Variants in FBXL17 observed in about 807,000 individuals in gnomAD.
The protein encoded by FBXL17 is F-box/LRR-repeat protein 17.
Under a neutral mutation model 66.2 loss-of-function variants are expected in FBXL17, and 22 were observed. The ratio of observed to expected loss-of-function variants is 0.33; its 90% CI spans 0.24 to 0.47. FBXL17 has a LOEUF of 0.47. Ranked by LOEUF, FBXL17 falls within the 20% of genes least tolerant of loss-of-function variation. The pLI is 1.00. For missense variants in FBXL17, 878 were observed against 948.2 expected (o/e 0.93, Z 0.97); for synonymous variants, 474 against 400.5 (o/e 1.18, Z -2.19).
intron 4 of FBXL17, 97 bp downstream of exon 4, chr5:108,348,302 T>C: frequency 2.6e-6 from 3 of 1,156,974 alleles, no homozygotes; most frequent in Non-Finnish European, 3.6e-6. Context: ...ATTTGAACCA[T>C]CACAAGAAAA....
chr5:108,079,367 T>G (rs1272281604), intron 6 of FBXL17, among the ~76,000 whole-genome samples: 3 of 152,064 alleles, frequency 2.0e-5, no homozygotes, highest in Non-Finnish European at 4.4e-5. Flanking sequence ...TCTCAAGGGT[T>G]TTTTTAGAAT....
At chr5:107,979,393 A>G (rs912647416) in intron 7 of FBXL17, among the ~76,000 whole-genome samples, 1 of 152,232 alleles carries the variant, frequency 6.6e-6, no homozygotes, top group East Asian at 1.9e-4. Context: ...GGACCCATCA[A>G]TGTTAAGGGA....
chr5:108,348,638 T>G (rs1047984756), intron 3 of FBXL17, 108 bp from the exon 4 acceptor site: 27 of 1,060,692 alleles, frequency 2.5e-5, no homozygotes, highest in Non-Finnish European at 3.4e-5. Flanking sequence ...GAGTTAAATA[T>G]TTATGTTACT....
chr5:108,182,371 T>C (rs1334186942), intron 6 of FBXL17, among the ~76,000 whole-genome samples: 5 of 152,194 alleles, frequency 3.3e-5, no homozygotes, highest in African/African-American at 1.2e-4. Flanking sequence ...TCTAGATTTA[T>C]ACCAATATAA....
intron 8 of FBXL17, among the ~76,000 whole-genome samples, chr5:107,868,151 A>G (rs1176628847): frequency 2.6e-5 from 4 of 152,198 alleles, no homozygotes; most frequent in African/African-American, 7.2e-5. Context: ...AATGGTAGCT[A>G]GAATTTGAAT....
At chr5:107,942,509 C>T (rs1751140922) in intron 7 of FBXL17, among the ~76,000 whole-genome samples, 4 of 152,172 alleles carry the variant, frequency 2.6e-5, no homozygotes, top group Admixed American at 2.6e-4. Flanking sequence ...CTCACTCAAA[C>T]CATGAAGATT....
chr5:108,344,680 C>T (rs1747134119), intron 4 of FBXL17, among the ~76,000 whole-genome samples: 1 of 152,134 alleles, frequency 6.6e-6, no homozygotes. Context: ...GAATAAAAAG[C>T]CACCCAAAGA....
intron 6 of FBXL17, among the ~76,000 whole-genome samples, chr5:108,106,362 C>T (rs918786959): frequency 6.6e-6 from 1 of 152,144 alleles, no homozygotes; most frequent in Non-Finnish European, 1.5e-5. Context: ...GGGAGTTCCT[C>T]AGAATATTAA....
intron 4 of FBXL17, chr5:108,299,870 AT>A: frequency 1.0e-6 from 1 of 975,346 alleles, no homozygotes; most frequent in Non-Finnish European, 1.2e-6. Flanking sequence ...TGGAAAAATC[AT>A]TAGATATTTC....
At chr5:107,889,043 T>C (rs990498281) in intron 7 of FBXL17, among the ~76,000 whole-genome samples, 1 of 152,132 alleles carries the variant, frequency 6.6e-6, no homozygotes, top group African/African-American at 2.4e-5. Context: ...AGTGGGTACG[T>C]AGTAGTACCT....
chr5:108,191,220 T>C (rs113720558), intron 5 of FBXL17, among the ~76,000 whole-genome samples: 2 of 152,224 alleles, frequency 1.3e-5, no homozygotes, highest in African/African-American at 2.4e-5. Flanking sequence ...AAAAATTTTA[T>C]CCAGCTACAT....
intron 5 of FBXL17, among the ~76,000 whole-genome samples, chr5:108,211,402 T>C (rs918534139): frequency 6.6e-6 from 1 of 152,226 alleles, no homozygotes. Flanking sequence ...CGTTAGTTGA[T>C]GGAGTTTCTT....
At chr5:108,029,896 T>C (rs1382985006) in intron 6 of FBXL17, among the ~76,000 whole-genome samples, 1 of 152,112 alleles carries the variant, frequency 6.6e-6, no homozygotes, top group Non-Finnish European at 1.5e-5. Flanking sequence ...ACGTAGCTTC[T>C]CAGGCTATCA....
intron 6 of FBXL17, among the ~76,000 whole-genome samples, chr5:108,181,925 A>G (rs1753019418): frequency 6.6e-6 from 1 of 152,168 alleles, no homozygotes; most frequent in African/African-American, 2.4e-5. Flanking sequence ...ACATCCACTG[A>G]AAAGCCAAAG....
chr5:107,978,776 A>G (rs775741698), intron 7 of FBXL17, among the ~76,000 whole-genome samples: 3 of 152,194 alleles, frequency 2.0e-5, no homozygotes, highest in Non-Finnish European at 4.4e-5. Flanking sequence ...GACTGGCTGA[A>G]TATTTGAGAT....
intron 7 of FBXL17, among the ~76,000 whole-genome samples, chr5:108,018,994 A>C (rs949522845): frequency 3.6e-4 from 55 of 152,286 alleles, no homozygotes; most frequent in Middle Eastern, 3.4e-3. Flanking sequence ...CAGAGACACA[A>C]ATAAATGTAA....
At chr5:107,938,355 A>T (rs750194589) in intron 7 of FBXL17, among the ~76,000 whole-genome samples, 1 of 152,120 alleles carries the variant, frequency 6.6e-6, no homozygotes, top group Non-Finnish European at 1.5e-5. Flanking sequence ...AAAACGGGGT[A>T]GCTCATACTG....
chr5:108,163,218 G>A (rs1456388146), intron 6 of FBXL17, among the ~76,000 whole-genome samples: 1 of 151,942 alleles, frequency 6.6e-6, no homozygotes, highest in East Asian at 1.9e-4. Flanking sequence ...GCCCATCAGA[G>A]AGTCAACCTC....
intron 6 of FBXL17, among the ~76,000 whole-genome samples, chr5:108,091,292 CT>C (rs1348075538): frequency 1.3e-5 from 2 of 152,180 alleles, no homozygotes; most frequent in Non-Finnish European, 2.9e-5. Context: ...TTATTGAGTC[CT>C]TCCCACAGAC....
Sources: allele counts gnomAD v4.1 joint callset (sites outside exome capture counted in the v4.1 genomes callset), GRCh38; gene constraint gnomAD v4.1.1; transcripts MANE v1.5; gene names NCBI Gene and HGNC (gene_info 2026-07-23, HGNC 2026-07-21).